SOX5: variants seen among roughly 807,000 people sequenced by gnomAD.
The protein encoded by SOX5 is SRY-box transcription factor 5, also known as transcription factor SOX-5.
A neutral mutation model predicts 92.0 loss-of-function variants in SOX5; 9 were observed. The observed-to-expected ratio is 0.10, with a 90% CI of 0.06 to 0.17. SOX5 has a LOEUF of 0.17. SOX5 is among the 10% of genes least tolerant of loss of function. The pLI is 1.00. For missense variants in SOX5, 642 were observed against 944.5 expected (o/e 0.68, Z 4.20); for synonymous variants, 344 against 336.3 (o/e 1.02, Z -0.25).
intron 1 of SOX5, among the ~76,000 whole-genome samples, chr12:24,376,690 C>CTTTTTTTTT (rs1164391418): frequency 4.2e-5 from 3 of 70,616 alleles, no homozygotes; most frequent in South Asian, 5.8e-4. Flanking sequence ...GGAGAGATAC[C>CTTTTTTTTT]TTTTTTTTTT....
chr12:23,905,644 A>G (rs2097284861), intron 1 of SOX5, among the ~76,000 whole-genome samples: 1 of 152,192 alleles, frequency 6.6e-6, no homozygotes, highest in Admixed American at 6.5e-5. Context: ...AATACTTGAA[A>G]AAGATTAATT....
intron 6 of SOX5, among the ~76,000 whole-genome samples, chr12:23,682,758 AATAC>A (rs1466521196): frequency 2.6e-5 from 4 of 151,900 alleles, no homozygotes; most frequent in African/African-American, 7.2e-5. Context: ...TGTTTGAAAA[AATAC>A]ATACATGTAT....
chr12:23,540,998 A>AG (rs5797024), intron 13 of SOX5, among the ~76,000 whole-genome samples: 152,328 of 152,328 alleles, frequency 1, 76,164 homozygotes, highest in Non-Finnish European at 1. Context: ...CTAAATATTG[A>AG]GCCCAAAATA....
intron 3 of SOX5, chr12:24,237,938 G>C (rs955156957): frequency 1.3e-5 from 2 of 152,126 alleles, no homozygotes; most frequent in African/African-American, 2.4e-5. Context: ...TCAGAGCCCA[G>C]ACAGGACCCT....
intron 4 of SOX5, among the ~76,000 whole-genome samples, chr12:24,165,129 A>G (rs1355690832): frequency 6.6e-6 from 1 of 152,104 alleles, no homozygotes; most frequent in Non-Finnish European, 1.5e-5. Context: ...CTTTGTGCAT[A>G]TGCCTAGTTA....
chr12:23,609,024 C>T (rs929479741), intron 8 of SOX5, among the ~76,000 whole-genome samples: 6 of 152,042 alleles, frequency 3.9e-5, no homozygotes, highest in African/African-American at 1.4e-4. Context: ...AGAAATGCAT[C>T]AGTGTGTTCA....
intron 2 of SOX5, among the ~76,000 whole-genome samples, chr12:24,320,093 T>A (rs1950066997): frequency 6.6e-6 from 1 of 152,210 alleles, no homozygotes; most frequent in Admixed American, 6.5e-5. Context: ...ACCACAGTGA[T>A]AAAACTCCAG....
chr12:23,678,710 A>C (rs1593210620), intron 6 of SOX5, among the ~76,000 whole-genome samples: 1 of 150,686 alleles, frequency 6.6e-6, no homozygotes, highest in Admixed American at 6.7e-5. Context: ...TATAAGATAA[A>C]TATTTTCATC....
At chr12:23,657,770 T>A (rs1346451548) in intron 7 of SOX5, among the ~76,000 whole-genome samples, 3 of 152,168 alleles carry the variant, frequency 2.0e-5, no homozygotes, top group South Asian at 4.1e-4. Flanking sequence ...GTCTTTTGGC[T>A]GACAGCACAG....
intron 1 of SOX5, among the ~76,000 whole-genome samples, chr12:24,445,065 G>A (rs542173535): frequency 1.3e-5 from 2 of 152,240 alleles, no homozygotes; most frequent in African/African-American, 4.8e-5. Context: ...GGTACCTCCA[G>A]GACTGACATT....
chr12:23,779,788 A>AATATATATATATATATATAT (rs1172787679), intron 3 of SOX5, among the ~76,000 whole-genome samples: 1 of 110,564 alleles, frequency 9.0e-6, no homozygotes. Flanking sequence ...CACAGATTAA[A>AATATATATATATATATATAT]ATATATATAT....
At position 23,979,666 on chromosome 12, in the gene SOX5, A is replaced by ATTT. The variant is rs1260249548; in HGVS notation, c.-1-83645_-1-83643dup. On this transcript the variant is annotated intron_variant, in intron 4 of 4. Transcript: ENST00000446891. ...ATGAGAACCTCACAAATCGTTTCTC[A>ATTT]TTTTCTTTCTTCCTTCCATATATAT... Among the ~76,000 whole-genome samples, 6 of 77,356 alleles carry ATTT rather than the reference A, an allele frequency of 7.8e-5. No individual in the cohort carries two copies. The South Asian group carries it at 1.1e-3, about 14-fold the overall frequency. The allele number at this position is 77,356 out of a possible 152,430, so 50.7% of individuals were successfully genotyped here.
intron 9 of SOX5, chr12:23,584,713 G>A (rs946566180): frequency 3.3e-5 from 24 of 717,984 alleles, no homozygotes; most frequent in Non-Finnish European, 4.9e-5. Context: ...ACAGAACCTT[G>A]GAGAAGGACA....
At chr12:23,604,900 CA>C in intron 8 of SOX5, among the ~76,000 whole-genome samples, 1 of 152,266 alleles carries the variant, frequency 6.6e-6, no homozygotes, top group African/African-American at 2.4e-5. Flanking sequence ...TTCATATACA[CA>C]GTAATTTTCT....
At chr12:24,061,454 G>A (rs548989440) in intron 4 of SOX5, among the ~76,000 whole-genome samples, 1 of 151,766 alleles carries the variant, frequency 6.6e-6, no homozygotes, top group South Asian at 2.1e-4. Context: ...TATGGATATG[G>A]AGGTCATATC....
intron 1 of SOX5, among the ~76,000 whole-genome samples, chr12:24,490,304 G>C (rs1274214773): frequency 6.6e-6 from 1 of 152,208 alleles, no homozygotes; most frequent in African/African-American, 2.4e-5. Context: ...AAAGAATTGT[G>C]TCTTGGAATT....
intron 9 of SOX5, among the ~76,000 whole-genome samples, chr12:23,582,849 G>A (rs1390816148): frequency 6.6e-6 from 1 of 152,022 alleles, no homozygotes. Context: ...GTAATTACAT[G>A]TTTCTTTACA....
At chr12:23,561,528 G>A (rs947160156) in intron 11 of SOX5, among the ~76,000 whole-genome samples, 10 of 152,122 alleles carry the variant, frequency 6.6e-5, no homozygotes, top group East Asian at 1.9e-4. Context: ...CTTACAAGCC[G>A]TCAGCGCAAT....
chr12:24,137,660 AC>A (rs1197221486), intron 4 of SOX5, among the ~76,000 whole-genome samples: 1 of 151,866 alleles, frequency 6.6e-6, no homozygotes, highest in Non-Finnish European at 1.5e-5. Context: ...CAAAAACAAA[AC>A]AAAAAAACTC....
Sources: allele counts gnomAD v4.1 joint callset (sites outside exome capture counted in the v4.1 genomes callset), GRCh38; gene constraint gnomAD v4.1.1; transcripts MANE v1.5; gene names NCBI Gene and HGNC (gene_info 2026-07-23, HGNC 2026-07-21).